Variants in MTSS1 observed in about 807,000 individuals in gnomAD.
MTSS1 encodes MTSS I-BAR domain containing 1, also known as protein MTSS 1.
Under a neutral mutation model 79.0 loss-of-function variants are expected in MTSS1, and 18 were observed. The observed-to-expected ratio is 0.23, with a 90% CI of 0.16 to 0.34. The LOEUF (loss-of-function observed/expected upper bound fraction) is 0.34, where lower values mean the gene tolerates loss of function less well. Ranked by LOEUF, MTSS1 falls within the 10% of genes least tolerant of loss-of-function variation. The pLI is 1.00. For missense variants in MTSS1, 815 were observed against 986.2 expected, an observed-to-expected ratio of 0.83 and a Z score of 2.33; for synonymous variants, 341 against 368.6, an observed-to-expected ratio of 0.93 and a Z score of 0.86.
intron 3 of MTSS1, among the ~76,000 whole-genome samples, chr8:124,664,123 G>T (rs1310620155): frequency 6.6e-6 from 1 of 152,228 alleles, no homozygotes; most frequent in East Asian, 1.9e-4. Context: ...GAAGCCAGCA[G>T]GCAGAAGCCA....
chr8:124,642,912 G>A (rs972942151), intron 3 of MTSS1, among the ~76,000 whole-genome samples: 3 of 152,104 alleles, frequency 2.0e-5, no homozygotes, highest in African/African-American at 2.4e-5. Context: ...TCTTAAGCAC[G>A]GTGTTAAACC....
At chr8:124,599,103 G>A (rs1286265771) in intron 3 of MTSS1, among the ~76,000 whole-genome samples, 1 of 152,222 alleles carries the variant, frequency 6.6e-6, no homozygotes, top group Admixed American at 6.5e-5. Flanking sequence ...GCCGCCTGCT[G>A]ATGGAAGGGA....
At chr8:124,626,537 A>G (rs1279109746) in intron 3 of MTSS1, among the ~76,000 whole-genome samples, 1 of 152,170 alleles carries the variant, frequency 6.6e-6, no homozygotes, top group Non-Finnish European at 1.5e-5. Context: ...AAGGATTTTG[A>G]GAAACATTAA....
chr8:124,679,509 G>A (rs1825807405), intron 3 of MTSS1, among the ~76,000 whole-genome samples: 1 of 152,186 alleles, frequency 6.6e-6, no homozygotes, highest in Admixed American at 6.5e-5. Context: ...ATATTAAGGT[G>A]CATGCACGGT....
Position 124,684,902 on chromosome 8 carries a change from AAAG to A in MTSS1, c.208+14621_208+14623del, listed in dbSNP as rs144216227. Among the ~76,000 whole-genome samples, 391 of 152,348 alleles carry A rather than the reference AAAG, an allele frequency of 2.6e-3. 2 individuals carry two copies. Among genetic ancestry groups the A allele is most frequent in the African/African-American group, 9.0e-3 (376 of 41,566 alleles). ...AAGTAGAAACTCATTCCATTCATTC[AAAG>A]AAGATGTATTTGGCCCCTACTATGT... On this transcript the variant is annotated intron_variant, in intron 3 of 13. Transcript: ENST00000518547.
At chr8:124,665,297 A>G (rs912901606) in intron 3 of MTSS1, among the ~76,000 whole-genome samples, 2 of 152,162 alleles carry the variant, frequency 1.3e-5, no homozygotes, top group African/African-American at 4.8e-5. Flanking sequence ...TCAGTGACTA[A>G]TTCTATTTTT....
intron 3 of MTSS1, among the ~76,000 whole-genome samples, chr8:124,675,793 G>A (rs78626961): frequency 0.011 from 1,696 of 152,320 alleles, 61 homozygotes; most frequent in East Asian, 0.067. Flanking sequence ...ACACGTTTGA[G>A]GTTCATCCAA....
intron 2 of MTSS1, 93 bp downstream of exon 2, chr8:124,704,037 A>T (rs1291798086): frequency 5.2e-6 from 6 of 1,144,870 alleles, no homozygotes; most frequent in Non-Finnish European, 7.9e-6. Flanking sequence ...CACTTCCTGA[A>T]TCAACCCTAA....
At chr8:124,654,912 A>C (rs1283566968) in intron 3 of MTSS1, among the ~76,000 whole-genome samples, 1 of 152,248 alleles carries the variant, frequency 6.6e-6, no homozygotes, top group Admixed American at 6.5e-5. Flanking sequence ...AAAGTTAGAA[A>C]GTAACACAAT....
intron 3 of MTSS1, among the ~76,000 whole-genome samples, chr8:124,627,553 C>T (rs1009235910): frequency 6.6e-6 from 1 of 152,226 alleles, no homozygotes; most frequent in Non-Finnish European, 1.5e-5. Flanking sequence ...CACAGGGCCA[C>T]AGCCAAGGAG....
At chr8:124,568,754 T>A in intron 6 of MTSS1, 1 of 1,464,608 alleles carries the variant, frequency 6.8e-7, no homozygotes, top group Non-Finnish European at 9.0e-7. Context: ...CCTGGCTTAT[T>A]CCTGACAAGG....
intron 13 of MTSS1, among the ~76,000 whole-genome samples, chr8:124,554,437 A>G (rs1392367364): frequency 6.6e-6 from 1 of 152,182 alleles, no homozygotes. Flanking sequence ...AGAAATGTCT[A>G]CAGACATTGC....
chr8:124,633,387 T>C (rs916072432), intron 3 of MTSS1, among the ~76,000 whole-genome samples: 8 of 152,216 alleles, frequency 5.3e-5, no homozygotes, highest in African/African-American at 1.9e-4. Context: ...CATATAGTAT[T>C]GAGTGGCTTT....
At chr8:124,603,175 G>A (rs575913909) in intron 3 of MTSS1, among the ~76,000 whole-genome samples, 3 of 152,170 alleles carry the variant, frequency 2.0e-5, no homozygotes, top group Admixed American at 1.3e-4. Flanking sequence ...ACAGGCGTGC[G>A]CCACCACTCC....
chr8:124,588,435 T>C (rs1831251402), intron 5 of MTSS1, among the ~76,000 whole-genome samples: 1 of 152,232 alleles, frequency 6.6e-6, no homozygotes, highest in African/African-American at 2.4e-5. Context: ...TACGAAGGTC[T>C]GGTTGGCCTG....
At chr8:124,660,235 G>T (rs115617993) in intron 3 of MTSS1, among the ~76,000 whole-genome samples, 39 of 152,214 alleles carry the variant, frequency 2.6e-4, no homozygotes, top group African/African-American at 9.4e-4. Flanking sequence ...CGGCAGCCCA[G>T]AGTTAGGAAT....
intron 7 of MTSS1, chr8:124,568,077 G>A: frequency 1.2e-6 from 1 of 829,230 alleles, no homozygotes; most frequent in Non-Finnish European, 1.7e-6. Context: ...CCAAGAACTT[G>A]CATTTCTAGC....
intron 1 of MTSS1, among the ~76,000 whole-genome samples, chr8:124,707,059 G>A (rs1045968097): frequency 2.6e-5 from 4 of 152,022 alleles, no homozygotes; most frequent in African/African-American, 7.3e-5. Flanking sequence ...TGAGCCACAA[G>A]ACACGATGAA....
intron 5 of MTSS1, among the ~76,000 whole-genome samples, chr8:124,588,861 T>C (rs759303535): frequency 2.0e-5 from 3 of 150,086 alleles, no homozygotes; most frequent in Non-Finnish European, 4.4e-5. Flanking sequence ...ATTACAGGCA[T>C]GCACCACCAC....
Sources: gnomAD v4.1 joint callset for allele counts (sites outside exome capture counted in the v4.1 genomes callset) on GRCh38, gnomAD v4.1.1 for gene constraint, MANE v1.5 for transcripts, NCBI Gene and HGNC (gene_info 2026-07-23, HGNC 2026-07-21) for gene names.